DMD: variants seen among roughly 807,000 people sequenced by gnomAD.
DMD encodes the protein dystrophin, also known as mutant dystrophin.
Under a neutral mutation model 330.1 loss-of-function variants are expected in DMD, and 63 were observed. That is an observed-to-expected ratio of 0.19 (90% CI 0.16 to 0.24). The LOEUF (loss-of-function observed/expected upper bound fraction) is 0.24, where lower values mean the gene tolerates loss of function less well. Among genes scored for constraint, DMD ranks in the 10% least tolerant of loss-of-function variants. The pLI, the probability that DMD is intolerant of heterozygous loss-of-function variation, is 1.00. For missense variants in DMD, 3,344 were observed against 2,684.1 expected (o/e 1.25, Z -5.43); for synonymous variants, 1,223 against 959.8 (o/e 1.27, Z -5.07).
intron 50 of DMD, among the ~76,000 whole-genome samples, chrX:31,804,491 T>A (rs771322039): frequency 3.6e-5 from 4 of 111,853 alleles, no homozygotes; most frequent in Non-Finnish European, 7.5e-5. Flanking sequence ...TCAGCCAGAG[T>A]AATCCCTCTA....
chrX:31,875,962 AG>A (rs2093961184), intron 47 of DMD, among the ~76,000 whole-genome samples: 1 of 112,688 alleles, frequency 8.9e-6, no homozygotes, highest in South Asian at 3.6e-4. Flanking sequence ...TGTAAAAGGA[AG>A]TCCCTTCATG....
intron 44 of DMD, among the ~76,000 whole-genome samples, chrX:31,989,532 T>C (rs1056049048): frequency 1.8e-5 from 2 of 111,507 alleles, no homozygotes; most frequent in South Asian, 3.7e-4. Context: ...CCTGGAGCAG[T>C]TATTTTGTCT....
At chrX:32,410,957 T>C (rs2098139304) in intron 30 of DMD, among the ~76,000 whole-genome samples, 1 of 111,477 alleles carries the variant, frequency 9.0e-6, no homozygotes, top group Non-Finnish European at 1.9e-5. Flanking sequence ...TGAGTGCATG[T>C]AGCTATATTG....
At chrX:31,244,253 A>G (rs1861635056) in intron 63 of DMD, among the ~76,000 whole-genome samples, 1 of 112,186 alleles carries the variant, frequency 8.9e-6, no homozygotes, top group African/African-American at 3.2e-5. Context: ...GACACCATAC[A>G]TATTTGGTAA....
In DMD at chrX:32,506,574, A is replaced by G. The variant is rs192363446; in HGVS notation, c.2293-4732T>C. On this transcript the variant is annotated intron_variant, in intron 18 of 78. Coordinates refer to ENST00000357033, the MANE Select transcript of DMD (RefSeq NM_004006.3). ...TTTTGTTTTATTTTCTTAAATACCTATCTCTTAGCTGAAAGATACACATTT... is the reference window on the plus strand; with the variant it reads ...TTTTGTTTTATTTTCTTAAATACCTGTCTCTTAGCTGAAAGATACACATTT... Among the ~76,000 whole-genome samples the G allele has an allele frequency of 1.7e-3, 188 of 111,701 alleles. 1 individual carries two copies. Among genetic ancestry groups the G allele is most frequent in the African/African-American group, 5.9e-3 (181 of 30,856 alleles).
At chrX:31,485,217 C>T (rs182335647) in intron 57 of DMD, among the ~76,000 whole-genome samples, 13 of 112,072 alleles carry the variant, frequency 1.2e-4, no homozygotes, top group East Asian at 5.6e-4. Flanking sequence ...ATTTTTGAGA[C>T]GGAGTCTCGC....
intron 1 of DMD, among the ~76,000 whole-genome samples, chrX:33,210,675 A>C (rs2148861954): frequency 8.9e-6 from 1 of 111,847 alleles, no homozygotes; most frequent in East Asian, 2.8e-4. Flanking sequence ...TTATCATGAT[A>C]TGCTACAGAA....
At chrX:33,033,354 G>A (rs776736079) in intron 1 of DMD, among the ~76,000 whole-genome samples, 4 of 107,959 alleles carry the variant, frequency 3.7e-5, no homozygotes, top group African/African-American at 1.0e-4. Context: ...CAATAGATGA[G>A]TTTTGTCTAT....
chrX:33,139,472 G>T (rs992762292), intron 1 of DMD, among the ~76,000 whole-genome samples: 32 of 111,024 alleles, frequency 2.9e-4, no homozygotes, highest in African/African-American at 9.2e-4. Flanking sequence ...CTGCCATCAC[G>T]CCCGGTTAAG....
intron 7 of DMD, among the ~76,000 whole-genome samples, chrX:32,717,824 G>A (rs1461039402): frequency 8.9e-6 from 1 of 111,791 alleles, no homozygotes; most frequent in Non-Finnish European, 1.9e-5. Flanking sequence ...TTGCATCACT[G>A]TGGCTTGGAT....
At chrX:31,221,646 T>G (rs1407212443) in intron 64 of DMD, among the ~76,000 whole-genome samples, 1 of 113,286 alleles carries the variant, frequency 8.8e-6, no homozygotes, top group Non-Finnish European at 1.9e-5. Flanking sequence ...TCACTTTATT[T>G]TTTTAACCAA....
intron 43 of DMD, among the ~76,000 whole-genome samples, chrX:32,261,058 T>C (rs1214106319): frequency 3.6e-5 from 4 of 111,861 alleles, no homozygotes; most frequent in Admixed American, 9.6e-5. Context: ...TTAGAAAGTA[T>C]AGCAATAAGT....
chrX:31,754,868 CAAAG>C (rs970304639), intron 51 of DMD, among the ~76,000 whole-genome samples: 5 of 111,698 alleles, frequency 4.5e-5, no homozygotes, highest in African/African-American at 1.3e-4. Context: ...GCAATATATA[CAAAG>C]AAATTTTTAG....
chrX:32,367,016 C>G (rs1004280166), intron 34 of DMD, among the ~76,000 whole-genome samples: 2 of 111,906 alleles, frequency 1.8e-5, no homozygotes, highest in African/African-American at 6.5e-5. Context: ...CTTCATTTAT[C>G]AATCGTAAGT....
At chrX:33,336,944 A>G (rs755155228) in intron 1 of DMD, among the ~76,000 whole-genome samples, 8 of 111,296 alleles carry the variant, frequency 7.2e-5, no homozygotes, top group African/African-American at 2.6e-4. Flanking sequence ...GGTGCGTGGC[A>G]TATAGACTTT....
intron 7 of DMD, among the ~76,000 whole-genome samples, chrX:32,765,082 T>A: frequency 9.0e-6 from 1 of 110,547 alleles, no homozygotes; most frequent in Non-Finnish European, 1.9e-5. Context: ...CTCATGGTCT[T>A]ACTGGCCAAA....
chrX:31,225,196 ATG>A (rs771853552), intron 63 of DMD, among the ~76,000 whole-genome samples: 20 of 112,472 alleles, frequency 1.8e-4, no homozygotes, highest in African/African-American at 5.8e-4. Context: ...ACTCTGATGT[ATG>A]TGTGTGTTAG....
intron 64 of DMD, among the ~76,000 whole-genome samples, chrX:31,211,426 A>T (rs2148607925): frequency 8.9e-6 from 1 of 112,453 alleles, no homozygotes; most frequent in South Asian, 3.7e-4. Context: ...GTTTCCTTAT[A>T]TACTGAAGGA....
intron 60 of DMD, among the ~76,000 whole-genome samples, chrX:31,393,244 G>A (rs1390477835): frequency 9.0e-6 from 1 of 111,223 alleles, no homozygotes; most frequent in Non-Finnish European, 1.9e-5. Flanking sequence ...TTGGGAGGCC[G>A]AGGCAGGTGG....
Sources: allele counts gnomAD v4.1 joint callset (sites outside exome capture counted in the v4.1 genomes callset), GRCh38; gene constraint gnomAD v4.1.1; transcripts MANE v1.5; gene names NCBI Gene and HGNC (gene_info 2026-07-23, HGNC 2026-07-21).